The following GNB4 variants were observed in gnomAD, a reference collection of about 807,000 sequenced individuals.
GNB4 encodes G protein subunit beta 4, also known as guanine nucleotide-binding protein subunit beta-4.
A neutral mutation model predicts 45.2 loss-of-function variants in GNB4; 28 were observed. The ratio of observed to expected loss-of-function variants is 0.62; its 90% CI spans 0.46 to 0.85. GNB4 has a LOEUF of 0.85. GNB4 is among the 40% of genes least tolerant of loss of function. GNB4 has a pLI of 0.00. For synonymous variants in GNB4, 132 were observed against 143.7 expected (o/e 0.92, Z 0.58); for missense variants, 321 against 425.4 (o/e 0.75, Z 2.16).
At chr3:179,508,231 C>T in the GNB4 span, among the ~76,000 whole-genome samples, 1 of 152,160 alleles carries the variant, frequency 6.6e-6, no homozygotes, top group African/African-American at 2.4e-5. Context: ...AAGCAATTTG[C>T]CTGCCTCAGC....
chr3:179,513,104 G>C, the GNB4 span, among the ~76,000 whole-genome samples: 1 of 151,056 alleles, frequency 6.6e-6, no homozygotes, highest in Non-Finnish European at 1.5e-5. Flanking sequence ...TGGGGAAAAG[G>C]TTGTATTTCA....
the GNB4 span, among the ~76,000 whole-genome samples, chr3:179,475,082 A>G: frequency 1.3e-5 from 2 of 151,994 alleles, no homozygotes. Flanking sequence ...ACAGAGACAG[A>G]GAGGGCCAAA....
At chr3:179,499,158 T>TTC in the GNB4 span, among the ~76,000 whole-genome samples, 1 of 65,332 alleles carries the variant, frequency 1.5e-5, no homozygotes, top group African/African-American at 4.3e-5. Context: ...ACATTTTCTT[T>TTC]TTTTTTTTTT....
chr3:179,422,799 A>T (rs1484960395), intron 2 of GNB4, among the ~76,000 whole-genome samples: 1 of 152,072 alleles, frequency 6.6e-6, no homozygotes, highest in Non-Finnish European at 1.5e-5. Context: ...GAAGGAAGGA[A>T]AGATTTTTTT....
chr3:179,523,348 A>C, the GNB4 span, among the ~76,000 whole-genome samples: 25 of 152,276 alleles, frequency 1.6e-4, no homozygotes, highest in Non-Finnish European at 3.5e-4. Flanking sequence ...AGTCTAAGTG[A>C]AAGCGAAGAG....
At chr3:179,451,246 T>C (rs1715865654) in intron 1 of GNB4, 100 bp downstream of exon 1, 1 of 151,554 alleles carries the variant, frequency 6.6e-6, no homozygotes. Context: ...CGGGCCCCGT[T>C]CCGCAGGGGT....
intron 1 of GNB4, among the ~76,000 whole-genome samples, chr3:179,429,874 A>C (rs2108607134): frequency 6.6e-6 from 1 of 152,260 alleles, no homozygotes; most frequent in East Asian, 1.9e-4. Context: ...TCAAATATTT[A>C]AATTCCTTTG....
chr3:179,426,188 C>T lies in GNB4; in HGVS notation c.13G>A (p.Glu5Lys). The change falls in exon 2 of 10, where the codon GAA becomes AAA. Residue 5 changes from glutamate (E) to lysine (K), a missense_variant. Glu to Lys is a moderately conservative substitution (Grantham distance 56, BLOSUM62 1). Coordinates refer to ENST00000232564, the MANE Select transcript of GNB4 (RefSeq NM_021629.4). ...TGTTCTGCTTCTTGCCTCAACTGTT[C>T]CAGTTCGCTCATTTTTTCAATTTGT... MSELEQLRQEAEQLR... is the reference protein window; with the variant it reads MSELKQLRQEAEQLR... 2 of 1,597,458 alleles carry T rather than the reference C, an allele frequency of 1.3e-6. No individual in the cohort carries two copies. Among genetic ancestry groups the T allele is most frequent in the Non-Finnish European group, 1.7e-6 (2 of 1,176,248 alleles).
chr3:179,500,557 G>A, the GNB4 span, among the ~76,000 whole-genome samples: 1 of 152,166 alleles, frequency 6.6e-6, no homozygotes, highest in East Asian at 1.9e-4. Context: ...GATTGTCTTG[G>A]CTATGCAGGC....
At chr3:179,517,402 G>A in the GNB4 span, among the ~76,000 whole-genome samples, 7 of 151,984 alleles carry the variant, frequency 4.6e-5, no homozygotes, top group African/African-American at 1.2e-4. Context: ...GACTCAGCCC[G>A]CCTGCACCCA....
At chr3:179,438,342 T>C (rs1688586994) in intron 1 of GNB4, among the ~76,000 whole-genome samples, 1 of 152,220 alleles carries the variant, frequency 6.6e-6, no homozygotes, top group Non-Finnish European at 1.5e-5. Flanking sequence ...CTACTTACAG[T>C]GTGACCCCGG....
the GNB4 span, among the ~76,000 whole-genome samples, chr3:179,510,935 G>A: frequency 6.6e-6 from 1 of 152,148 alleles, no homozygotes; most frequent in Non-Finnish European, 1.5e-5. Flanking sequence ...GAAGTTTGGC[G>A]AATTTTGTTT....
chr3:179,410,917 A>G (rs1448054491), intron 8 of GNB4, among the ~76,000 whole-genome samples: 1 of 152,224 alleles, frequency 6.6e-6, no homozygotes, highest in Non-Finnish European at 1.5e-5. Flanking sequence ...TGATATAGAT[A>G]AAATCTTTGA....
At chr3:179,502,237 T>C in the GNB4 span, among the ~76,000 whole-genome samples, 2 of 141,876 alleles carry the variant, frequency 1.4e-5, no homozygotes, top group Non-Finnish European at 3.1e-5. Flanking sequence ...TCTTTTTTTT[T>C]TTTTTTTTTT....
chr3:179,475,448 T>C, the GNB4 span, among the ~76,000 whole-genome samples: 17 of 149,612 alleles, frequency 1.1e-4, no homozygotes, highest in African/African-American at 3.9e-4. Flanking sequence ...TCATTTTTAT[T>C]TTATTTTATT....
chr3:179,502,033 G>A, the GNB4 span, among the ~76,000 whole-genome samples: 60 of 152,008 alleles, frequency 3.9e-4, 1 homozygote, highest in East Asian at 1.9e-4. Context: ...ATTAGTATAC[G>A]TCATTGATAT....
intron 1 of GNB4, among the ~76,000 whole-genome samples, chr3:179,440,980 C>A (rs1715580453): frequency 6.6e-6 from 1 of 151,980 alleles, no homozygotes; most frequent in African/African-American, 2.4e-5. Context: ...AAAGGATTTT[C>A]TTCTGCATTG....
chr3:179,403,797 C>CAAAAA (rs541714857), intron 9 of GNB4, among the ~76,000 whole-genome samples: 22,122 of 94,052 alleles, frequency 0.24, 2,076 homozygotes, highest in East Asian at 0.37. Flanking sequence ...GACTCCGTCT[C>CAAAAA]AAAAAAATAA....
the GNB4 span, among the ~76,000 whole-genome samples, chr3:179,514,376 G>A: frequency 1.3e-5 from 2 of 152,196 alleles, no homozygotes; most frequent in Non-Finnish European, 2.9e-5. Flanking sequence ...AGCAGCCCAT[G>A]GAAAAGCATG....
Sources: gnomAD v4.1 joint callset for allele counts (sites outside exome capture counted in the v4.1 genomes callset) on GRCh38, gnomAD v4.1.1 for gene constraint, MANE v1.5 for transcripts, NCBI Gene and HGNC (gene_info 2026-07-23, HGNC 2026-07-21) for gene names.